GALNT17: variants seen among roughly 807,000 people sequenced by gnomAD.
The protein encoded by GALNT17 is UDP-GalNAc:polypeptide N-acetylgalactosaminyltransferase-like 3.
GALNT17 carries 29 observed loss-of-function variants against 63.7 expected under a neutral mutation model. The observed-to-expected ratio is 0.46, with a 90% CI of 0.34 to 0.62. The LOEUF (loss-of-function observed/expected upper bound fraction) is 0.62. Ranked by LOEUF, GALNT17 falls within the 20% of genes least tolerant of loss-of-function variation. The pLI is 0.01. For missense variants in GALNT17, 603 were observed against 799.6 expected, an observed-to-expected ratio of 0.75 and a Z score of 2.97; for synonymous variants, 305 against 318.3, an observed-to-expected ratio of 0.96 and a Z score of 0.45.
intron 3 of GALNT17, among the ~76,000 whole-genome samples, chr7:71,407,969 AAAG>A (rs1583925909): frequency 6.6e-6 from 1 of 152,084 alleles, no homozygotes; most frequent in East Asian, 1.9e-4. Context: ...GGGTGATGAA[AAAG>A]TTCTAGATAG....
chr7:71,161,824 A>T (rs1450728256), intron 1 of GALNT17, among the ~76,000 whole-genome samples: 9 of 152,100 alleles, frequency 5.9e-5, no homozygotes, highest in African/African-American at 1.9e-4. Context: ...ACAAAGAAGG[A>T]TAATTCTTCT....
chr7:71,348,281 A>G (rs1043590265), intron 2 of GALNT17, among the ~76,000 whole-genome samples: 1 of 151,858 alleles, frequency 6.6e-6, no homozygotes, highest in African/African-American at 2.4e-5. Flanking sequence ...AAAGAAATGG[A>G]TGCTCTTGAG....
At chr7:71,212,130 G>T (rs951498198) in intron 1 of GALNT17, among the ~76,000 whole-genome samples, 2 of 152,194 alleles carry the variant, frequency 1.3e-5, no homozygotes, top group Non-Finnish European at 2.9e-5. Flanking sequence ...GGAGGAAAAA[G>T]TGGTTTTGTG....
chr7:71,166,670 T>C (rs1440046789), intron 1 of GALNT17, among the ~76,000 whole-genome samples: 1 of 152,230 alleles, frequency 6.6e-6, no homozygotes, highest in Non-Finnish European at 1.5e-5. Flanking sequence ...CATCGTTTAT[T>C]TACTTTTATT....
intron 5 of GALNT17, among the ~76,000 whole-genome samples, chr7:71,437,913 A>G (rs930044978): frequency 5.3e-5 from 8 of 152,010 alleles, no homozygotes; most frequent in African/African-American, 1.9e-4. Flanking sequence ...GGGTCTTGCT[A>G]TGTTGTCCAG....
At chr7:71,148,249 C>T (rs557052198) in intron 1 of GALNT17, among the ~76,000 whole-genome samples, 42 of 152,312 alleles carry the variant, frequency 2.8e-4, no homozygotes, top group African/African-American at 9.1e-4. Context: ...AGTGTCATAG[C>T]TCATGTCACT....
rs11449879 is a variant in GALNT17, at chr7:71,583,755, A to ACACAC, written c.1080+12359_1080+12363dup. Reference sequence around the variant, plus strand: ...CACACACACACACACACACACACACACACACCACACACCAAACAGCCCTTC... The same window carrying ACACAC: ...CACACACACACACACACACACACACACACACCACACCACACACCAAACAGCCCTTC... On this transcript the variant is annotated intron_variant, in intron 6 of 10. Coordinates refer to ENST00000333538, the MANE Select transcript of GALNT17 (RefSeq NM_022479.3). Among the ~76,000 whole-genome samples, 486 of 91,906 alleles carry ACACAC rather than the reference A, an allele frequency of 5.3e-3. 3 individuals are homozygous for ACACAC. The highest frequency in any genetic ancestry group is 0.01 in the Admixed American group (93 of 9,104). The allele number at this position is 91,906 out of a possible 152,430, so 60.3% of individuals were successfully genotyped here. A position where few individuals can be genotyped will look rare whatever the true frequency, so the allele number is the denominator to read the frequency against.
chr7:71,656,382 C>T (rs1163419255), intron 6 of GALNT17, among the ~76,000 whole-genome samples: 3 of 151,806 alleles, frequency 2.0e-5, no homozygotes, highest in African/African-American at 4.8e-5. Flanking sequence ...AGGAGTGTCC[C>T]GGGCAGGAAT....
chr7:71,132,863 T>C lies in GALNT17; in HGVS notation c.61T>C (p.Phe21Leu), dbSNP rs778348337. 9.3e-6 allele frequency: 15 copies of C among 1,612,920 alleles called. No individual in the cohort carries two copies. Among genetic ancestry groups the C allele is most frequent in the Non-Finnish European group, 5.1e-6 (6 of 1,179,472 alleles). ...GTTGAACTTGATCGCGGTAGCCGGCTTCGTGCTCTTCCTGGCCAAGTGCCG... is the reference window on the plus strand; with the variant it reads ...GTTGAACTTGATCGCGGTAGCCGGCCTCGTGCTCTTCCTGGCCAAGTGCCG... The part of the protein sequence containing the change: ...LVLNLIAVAG[F>L]VLFLAKCRPI... The change falls in exon 1 of 11, where the codon TTC (phenylalanine) becomes CTC (leucine). Residue 21 changes from phenylalanine (F) to leucine (L), a missense_variant. Physicochemically the swap from Phe to Leu is conservative, Grantham distance 22. Around this residue, in one of 3 missense-constraint regions of GALNT17, gnomAD observed 195 missense variants for 215.0 expected, o/e 0.91. Transcript: ENST00000333538.
intron 1 of GALNT17, among the ~76,000 whole-genome samples, chr7:71,221,007 G>T (rs1789573096): frequency 6.6e-6 from 1 of 152,100 alleles, no homozygotes; most frequent in African/African-American, 2.4e-5. Flanking sequence ...TATTCTGCTG[G>T]GAGTCTAGGC....
Position 71,295,998 on chromosome 7 carries a change from G to A in GALNT17, c.239-39552G>A, listed in dbSNP as rs1331593286. On this transcript the variant is annotated intron_variant, in intron 1 of 10. Transcript: ENST00000333538. ...AATACAATTTTGCTTTTTAGTCCTG[G>A]GAGCTCTTATCTTTTATTAAAGACA... is the stretch of plus-strand genomic sequence containing the variant. Among the ~76,000 whole-genome samples, 7 of 151,782 alleles carry A rather than the reference G, an allele frequency of 4.6e-5. No individual in the cohort carries two copies. The East Asian group carries it at 9.6e-4, about 21-fold the overall frequency.
At position 71,132,926 on chromosome 7, in the gene GALNT17, A is replaced by T; in HGVS notation, c.124A>T (p.Ile42Phe). The change falls in exon 1 of 11, where the codon ATC becomes TTC. Residue 42 changes from isoleucine to phenylalanine, a missense_variant. Coordinates refer to ENST00000333538, the MANE Select transcript of GALNT17 (RefSeq NM_022479.3). ...AVRSGDAFHE[I>F]RPRAEVANLS... ...GCGCAGCGGAGACGCCTTCCACGAGATCCGGCCGCGCGCCGAGGTGGCCAA... is the reference window on the plus strand; with the variant it reads ...GCGCAGCGGAGACGCCTTCCACGAGTTCCGGCCGCGCGCCGAGGTGGCCAA... 4 of 1,611,602 alleles carry T rather than the reference A, an allele frequency of 2.5e-6. No individual in the cohort carries two copies. The highest frequency in any genetic ancestry group is 3.4e-6 in the Non-Finnish European group (4 of 1,179,438).
intron 2 of GALNT17, among the ~76,000 whole-genome samples, chr7:71,374,248 C>G (rs1015172043): frequency 1.3e-5 from 2 of 152,174 alleles, no homozygotes; most frequent in African/African-American, 2.4e-5. Context: ...CCACCACTTT[C>G]TTGGCTTTGT....
At chr7:71,252,032 C>T (rs933037666) in intron 1 of GALNT17, among the ~76,000 whole-genome samples, 3 of 152,094 alleles carry the variant, frequency 2.0e-5, no homozygotes, top group Admixed American at 6.5e-5. Flanking sequence ...CTGCCTCCTC[C>T]GGGACTCACT....
At chr7:71,625,677 C>T (rs182752027) in intron 6 of GALNT17, among the ~76,000 whole-genome samples, 27 of 152,190 alleles carry the variant, frequency 1.8e-4, no homozygotes, top group African/African-American at 6.0e-4. Flanking sequence ...CTTCTCCTTT[C>T]GGGACCTCAC....
chr7:71,511,135 T>A (rs186555087), intron 5 of GALNT17, among the ~76,000 whole-genome samples: 422 of 152,130 alleles, frequency 2.8e-3, no homozygotes, highest in Non-Finnish European at 5.2e-3. Flanking sequence ...TGAGCCATGA[T>A]CATGCACCAT....
At chr7:71,483,257 G>A (rs1416783687) in intron 5 of GALNT17, among the ~76,000 whole-genome samples, 2 of 152,142 alleles carry the variant, frequency 1.3e-5, no homozygotes, top group African/African-American at 2.4e-5. Context: ...GATCACCTGA[G>A]GTCAGGAGTT....
intron 5 of GALNT17, among the ~76,000 whole-genome samples, chr7:71,477,039 A>G (rs1313129263): frequency 6.6e-6 from 1 of 152,176 alleles, no homozygotes; most frequent in Non-Finnish European, 1.5e-5. Flanking sequence ...TGGTGCAAGG[A>G]TGAGTATTTC....
chr7:71,461,893 G>T (rs2116582251), intron 5 of GALNT17, among the ~76,000 whole-genome samples: 1 of 152,322 alleles, frequency 6.6e-6, no homozygotes, highest in Non-Finnish European at 1.5e-5. Flanking sequence ...AACTTGCTGT[G>T]CAACCCTCTG....
Sources: gnomAD v4.1 joint callset for allele counts (sites outside exome capture counted in the v4.1 genomes callset) on GRCh38, gnomAD v4.1.1 for gene constraint, gnomAD v4.1.1 regional missense constraint, MANE v1.5 for transcripts, NCBI Gene and HGNC (gene_info 2026-07-23, HGNC 2026-07-21) for gene names.